WWOX: variants seen among roughly 807,000 people sequenced by gnomAD.
WWOX encodes the protein WW domain-containing oxidoreductase.
In WWOX, 69 loss-of-function variants were observed where a neutral mutation model predicts 46.2. The observed-to-expected ratio is 1.49, with a 90% CI of 1.23 to 1.82. The LOEUF (loss-of-function observed/expected upper bound fraction) is 1.82, where lower values mean the gene tolerates loss of function less well. Ranked by LOEUF, WWOX falls within the 40% of genes most tolerant of loss-of-function variation. WWOX has a pLI of 0.00. For missense variants in WWOX, 919 were observed against 542.6 expected (o/e 1.69, Z -6.89); for synonymous variants, 359 against 202.6 (o/e 1.77, Z -6.56).
At chr16:78,932,625 C>G (rs552981985) in intron 8 of WWOX, among the ~76,000 whole-genome samples, 2 of 152,226 alleles carry the variant, frequency 1.3e-5, no homozygotes, top group African/African-American at 4.8e-5. Flanking sequence ...GCTGACCTCC[C>G]TGAAAGAGAA....
intron 8 of WWOX, among the ~76,000 whole-genome samples, chr16:78,449,390 A>G (rs937120467): frequency 2.6e-5 from 4 of 152,192 alleles, no homozygotes; most frequent in African/African-American, 9.7e-5. Flanking sequence ...AGGATTTCAC[A>G]GTGGTATGAA....
intron 8 of WWOX, among the ~76,000 whole-genome samples, chr16:78,670,280 G>A (rs1193459562): frequency 2.0e-5 from 3 of 152,266 alleles, no homozygotes; most frequent in Non-Finnish European, 2.9e-5. Flanking sequence ...ATCCTTGGAT[G>A]TTTTTCTGTG....
chr16:78,818,635 G>A (rs889604396), intron 8 of WWOX, among the ~76,000 whole-genome samples: 3 of 152,214 alleles, frequency 2.0e-5, no homozygotes, highest in African/African-American at 4.8e-5. Context: ...GGAGACTGAG[G>A]CAGGAGGATC....
intron 8 of WWOX, among the ~76,000 whole-genome samples, chr16:78,959,131 C>A (rs1298394430): frequency 6.6e-6 from 1 of 152,156 alleles, no homozygotes; most frequent in African/African-American, 2.4e-5. Flanking sequence ...TCCGAACTTA[C>A]CGCTAGGTAT....
chr16:78,479,029 A>G (rs943626431), intron 8 of WWOX, among the ~76,000 whole-genome samples: 3 of 152,194 alleles, frequency 2.0e-5, no homozygotes, highest in Non-Finnish European at 4.4e-5. Context: ...TGTAGGAATC[A>G]CCAATTTAGA....
At chr16:78,117,424 G>T (rs1001091942) in intron 4 of WWOX, among the ~76,000 whole-genome samples, 105 of 152,244 alleles carry the variant, frequency 6.9e-4, no homozygotes, top group African/African-American at 2.4e-3. Context: ...GGTGAGTGGT[G>T]AAGATTTTTA....
At chr16:78,537,403 T>C (rs1028661546) in intron 8 of WWOX, among the ~76,000 whole-genome samples, 1 of 152,198 alleles carries the variant, frequency 6.6e-6, no homozygotes, top group Non-Finnish European at 1.5e-5. Flanking sequence ...TTCTAAGCGG[T>C]GGAACTGATT....
chr16:78,647,297 G>A (rs990887695), intron 8 of WWOX, among the ~76,000 whole-genome samples: 2 of 152,152 alleles, frequency 1.3e-5, no homozygotes, highest in Non-Finnish European at 2.9e-5. Context: ...GGGAGTGGAT[G>A]CTGGCCCGGC....
intron 8 of WWOX, among the ~76,000 whole-genome samples, chr16:78,810,074 A>G (rs565855520): frequency 6.6e-6 from 1 of 152,316 alleles, no homozygotes; most frequent in African/African-American, 2.4e-5. Context: ...TCAGCCCTTG[A>G]TGGAAATTTC....
Position 78,919,470 on chromosome 16 carries a change from A to G in WWOX, c.1057-292138A>G, listed in dbSNP as rs140222661. ...ATGCCATCACTACCTTCTAACAGCA[A>G]TCAGTCCCCTTAAGTGGCTTTCTTC... On this transcript the variant is annotated intron_variant, in intron 8 of 8. Coordinates refer to ENST00000566780, the MANE Select transcript of WWOX (RefSeq NM_016373.4). Among the ~76,000 whole-genome samples the G allele has an allele frequency of 1.7e-3, 255 of 151,400 alleles. 1 individual carries two copies. Among genetic ancestry groups the G allele is most frequent in the African/African-American group, 5.7e-3 (235 of 41,258 alleles).
intron 8 of WWOX, among the ~76,000 whole-genome samples, chr16:78,811,405 C>G (rs1034608989): frequency 2.6e-5 from 4 of 152,138 alleles, no homozygotes; most frequent in East Asian, 1.9e-4. Flanking sequence ...TTTACTGTAT[C>G]TATTAACTTT....
intron 8 of WWOX, among the ~76,000 whole-genome samples, chr16:78,473,850 C>G (rs1202907092): frequency 6.6e-6 from 1 of 152,118 alleles, no homozygotes; most frequent in Non-Finnish European, 1.5e-5. Flanking sequence ...TGTAGCATGC[C>G]TAGTCCTTGC....
chr16:78,533,440 C>T (rs901021836), intron 8 of WWOX, among the ~76,000 whole-genome samples: 12 of 151,458 alleles, frequency 7.9e-5, no homozygotes, highest in Admixed American at 3.9e-4. Flanking sequence ...CAAAAAATCT[C>T]ATAATGTTTT....
At chr16:78,355,639 G>C (rs988178269) in intron 5 of WWOX, 1 of 623,232 alleles carries the variant, frequency 1.6e-6, no homozygotes, top group Non-Finnish European at 3.0e-6. Context: ...ACGACCGAGA[G>C]CTTCGAGGCA....
At chr16:78,737,899 C>G (rs528086145) in intron 8 of WWOX, among the ~76,000 whole-genome samples, 1 of 152,242 alleles carries the variant, frequency 6.6e-6, no homozygotes, top group East Asian at 1.9e-4. Flanking sequence ...GCCATGAGTT[C>G]CCAGTCAGTC....
At chr16:78,545,258 C>G (rs1290788652) in intron 8 of WWOX, among the ~76,000 whole-genome samples, 2 of 152,058 alleles carry the variant, frequency 1.3e-5, no homozygotes, top group South Asian at 2.1e-4. Context: ...AATGTCCAGC[C>G]CCAACTCAGG....
chr16:78,319,765 C>T (rs761212269), intron 5 of WWOX, among the ~76,000 whole-genome samples: 1 of 152,210 alleles, frequency 6.6e-6, no homozygotes. Flanking sequence ...ACCGAGGTCT[C>T]TCTGTGCTAC....
chr16:79,164,641 A>T (rs892346202), intron 8 of WWOX, among the ~76,000 whole-genome samples: 2 of 152,220 alleles, frequency 1.3e-5, no homozygotes, highest in Admixed American at 6.5e-5. Context: ...CTTGAAAGGG[A>T]AAGTTCCCAC....
chr16:78,275,410 A>G (rs920303563), intron 5 of WWOX, among the ~76,000 whole-genome samples: 1 of 152,178 alleles, frequency 6.6e-6, no homozygotes, highest in Non-Finnish European at 1.5e-5. Flanking sequence ...CTATTAATTT[A>G]TACCTGGCCC....
Sources: gnomAD v4.1 joint callset for allele counts (sites outside exome capture counted in the v4.1 genomes callset) on GRCh38, gnomAD v4.1.1 for gene constraint, MANE v1.5 for transcripts, NCBI Gene and HGNC (gene_info 2026-07-23, HGNC 2026-07-21) for gene names.